The following CDYL variants were observed in gnomAD, a reference collection of about 807,000 sequenced individuals.
The protein encoded by CDYL is chromodomain Y like.
CDYL carries 8 observed loss-of-function variants against 47.3 expected under a neutral mutation model. That is an observed-to-expected ratio of 0.17 (90% CI 0.10 to 0.31). The LOEUF (loss-of-function observed/expected upper bound fraction) is 0.31, where lower values mean the gene tolerates loss of function less well. CDYL is among the 10% of genes least tolerant of loss of function. The pLI is 1.00. For synonymous variants in CDYL, 266 were observed against 265.0 expected (o/e 1.00, Z -0.04); for missense variants, 471 against 701.4 (o/e 0.67, Z 3.71).
intron 2 of CDYL, among the ~76,000 whole-genome samples, chr6:4,922,950 A>AT (rs1561710487): frequency 6.6e-6 from 1 of 151,610 alleles, no homozygotes; most frequent in Non-Finnish European, 1.5e-5. Flanking sequence ...CCCCCCTTTT[A>AT]TTTTTTACTA....
At chr6:4,775,562 C>T (rs1350510736), upstream of CDYL, among the ~76,000 whole-genome samples, 7 of 152,060 alleles carry the variant, frequency 4.6e-5, no homozygotes, top group Non-Finnish European at 8.8e-5. The surrounding 1 kb of genome is among the most constrained non-coding windows in gnomAD (Gnocchi z 7.0). Flanking sequence ...GAGGCGGACG[C>T]TCCGAGAGGA....
At chr6:4,796,933 G>T (rs1759088751) in intron 1 of CDYL, among the ~76,000 whole-genome samples, 1 of 152,084 alleles carries the variant, frequency 6.6e-6, no homozygotes, top group Non-Finnish European at 1.5e-5. Flanking sequence ...TTTTCTACAT[G>T]GATTTGCTAT....
In CDYL at chr6:4,953,973, G is replaced by A; in HGVS notation, c.1552G>A (p.Glu518Lys). The A allele has an allele frequency of 6.2e-7, 1 of 1,614,210 alleles. No homozygotes were observed. The highest frequency in any genetic ancestry group is 1.1e-5 in the South Asian group (1 of 91,066). Reference protein sequence around the residue: ...ELEQANERECEVLKKIWGSAQ... With the variant: ...ELEQANERECKVLKKIWGSAQ... ...GGAGCAGGCCAACGAGAGGGAGTGTGAGGTGCTGAAGAAAATCTGGGGCTC... is the reference window on the plus strand; with the variant it reads ...GGAGCAGGCCAACGAGAGGGAGTGTAAGGTGCTGAAGAAAATCTGGGGCTC... The change falls in exon 7 of 7, where the codon GAG becomes AAG. Residue 518 changes from glutamate (E) to lysine (K), a missense_variant. By Grantham distance (56) the Glu-to-Lys change is moderately conservative. Coordinates refer to ENST00000397588, the MANE Select transcript of CDYL (RefSeq NM_004824.4).
intron 1 of CDYL, among the ~76,000 whole-genome samples, chr6:4,785,665 T>A (rs1160302022): frequency 6.6e-6 from 1 of 152,196 alleles, no homozygotes; most frequent in Non-Finnish European, 1.5e-5. Context: ...ACAAAAAAAG[T>A]CATCTTAGTT....
chr6:4,819,547 A>T (rs1759775135), intron 1 of CDYL, among the ~76,000 whole-genome samples: 1 of 152,200 alleles, frequency 6.6e-6, no homozygotes, highest in South Asian at 2.1e-4. Context: ...TAAAGGTATC[A>T]TCATGACAAC....
At chr6:4,768,112 A>T (rs1294915034) in intron 3 of CDYL, among the ~76,000 whole-genome samples, 1 of 152,236 alleles carries the variant, frequency 6.6e-6, no homozygotes, top group Non-Finnish European at 1.5e-5. Flanking sequence ...CAAAGGTGTC[A>T]TGCAACTTCC....
chr6:4,865,967 T>G (rs964577801), intron 1 of CDYL, among the ~76,000 whole-genome samples: 1 of 152,174 alleles, frequency 6.6e-6, no homozygotes, highest in African/African-American at 2.4e-5. Context: ...AGGAGATAAA[T>G]TATTTTAAAA....
At chr6:4,849,682 G>GAAAAAAAAAA (rs74855632) in intron 1 of CDYL, among the ~76,000 whole-genome samples, 1 of 137,080 alleles carries the variant, frequency 7.3e-6, no homozygotes. Flanking sequence ...GTCATGCCAG[G>GAAAAAAAAAA]AAAAAAAAAA....
At chr6:4,734,267 G>A (rs553530243) in intron 2 of CDYL, among the ~76,000 whole-genome samples, 17 of 152,330 alleles carry the variant, frequency 1.1e-4, no homozygotes, top group Admixed American at 5.9e-4. Flanking sequence ...GTCCCCTTGT[G>A]TGGGCTCAAG....
At chr6:4,938,081 C>T (rs534906803) in intron 4 of CDYL, among the ~76,000 whole-genome samples, 8 of 152,278 alleles carry the variant, frequency 5.3e-5, no homozygotes, top group African/African-American at 9.6e-5. Context: ...TTATTTGTGC[C>T]GTGAGTATGT....
chr6:4,917,257 C>T (rs1054819208), intron 2 of CDYL, among the ~76,000 whole-genome samples: 1 of 152,094 alleles, frequency 6.6e-6, no homozygotes, highest in African/African-American at 2.4e-5. Flanking sequence ...CTTTTGAAGT[C>T]ATAGGTTTGT....
intron 2 of CDYL, among the ~76,000 whole-genome samples, chr6:4,900,817 A>G (rs1372156705): frequency 0.025 from 2,126 of 84,668 alleles, 406 homozygotes; most frequent in African/African-American, 0.082. Flanking sequence ...ATATATATAT[A>G]TATATATATA....
chr6:4,722,634 T>C (rs920469906), intron 2 of CDYL, among the ~76,000 whole-genome samples: 1 of 152,162 alleles, frequency 6.6e-6, no homozygotes, highest in Non-Finnish European at 1.5e-5. Flanking sequence ...CCCAGCACTT[T>C]GGGAGGCCAT....
At position 4,739,773 on chromosome 6, in the gene CDYL, A is replaced by T. The variant is rs182898405; in HGVS notation, c.186+4929A>T. Among the ~76,000 whole-genome samples the T allele has an allele frequency of 1.1e-3, 165 of 151,896 alleles. 1 individual carries two copies. Among genetic ancestry groups the T allele is most frequent in the Non-Finnish European group, 2.1e-3 (141 of 67,954 alleles). On this transcript the variant is annotated intron_variant, in intron 3 of 8. Transcript: ENST00000328908. ...TTCGAGAACAGCCTGATCAACGTGGAGAAACCCCGTCTCTACTAAAAAATA... is the reference window on the plus strand; with the variant it reads ...TTCGAGAACAGCCTGATCAACGTGGTGAAACCCCGTCTCTACTAAAAAATA...
intron 3 of CDYL, among the ~76,000 whole-genome samples, chr6:4,768,893 A>G (rs1758295444): frequency 6.6e-6 from 1 of 152,202 alleles, no homozygotes; most frequent in Non-Finnish European, 1.5e-5. Context: ...ATGGCATTTT[A>G]CCTCTGTGGT....
At chr6:4,783,734 A>G (rs1230694528) in intron 1 of CDYL, among the ~76,000 whole-genome samples, 1 of 152,124 alleles carries the variant, frequency 6.6e-6, no homozygotes, top group East Asian at 1.9e-4. Context: ...TGTTGTCAGC[A>G]TAGGTGCAGT....
At chr6:4,743,892 G>A (rs926361602) in intron 3 of CDYL, among the ~76,000 whole-genome samples, 3 of 152,200 alleles carry the variant, frequency 2.0e-5, no homozygotes, top group African/African-American at 7.2e-5. Flanking sequence ...GTAATAACTT[G>A]TACCTGAGAG....
chr6:4,718,741 A>T (rs541764900), intron 2 of CDYL: 4 of 152,256 alleles, frequency 2.6e-5, no homozygotes, highest in African/African-American at 9.6e-5. Flanking sequence ...CATTTTTTTA[A>T]AAAACAAAAC....
chr6:4,909,825 G>C (rs114833872), intron 2 of CDYL, among the ~76,000 whole-genome samples: 1 of 151,426 alleles, frequency 6.6e-6, no homozygotes, highest in African/African-American at 2.4e-5. Flanking sequence ...CTGCCTTCTC[G>C]GCCTCCCAAA....
Sources: gnomAD v4.1 joint callset for allele counts (sites outside exome capture counted in the v4.1 genomes callset) on GRCh38, gnomAD v4.1.1 for gene constraint, Gnocchi (gnomAD v3.1) non-coding constraint, MANE v1.5 for transcripts, NCBI Gene and HGNC (gene_info 2026-07-23, HGNC 2026-07-21) for gene names.